ACER3: variants seen among roughly 807,000 people sequenced by gnomAD.
The protein encoded by ACER3 is alkCDase 3.
Under a neutral mutation model 48.9 loss-of-function variants are expected in ACER3, and 16 were observed. The ratio of observed to expected loss-of-function variants is 0.33; its 90% CI spans 0.22 to 0.50. The LOEUF (loss-of-function observed/expected upper bound fraction) is 0.50, where lower values mean the gene tolerates loss of function less well. Ranked by LOEUF, ACER3 falls within the 20% of genes least tolerant of loss-of-function variation. The pLI, the probability that ACER3 is intolerant of heterozygous loss-of-function variation, is 0.98. For synonymous variants in ACER3, 109 were observed against 107.8 expected, an observed-to-expected ratio of 1.01 and a Z score of -0.07; for missense variants, 227 against 326.0, an observed-to-expected ratio of 0.70 and a Z score of 2.34.
chr11:76,971,966 C>T (rs919056055), intron 3 of ACER3, among the ~76,000 whole-genome samples: 2 of 152,166 alleles, frequency 1.3e-5, no homozygotes, highest in Non-Finnish European at 2.9e-5. Context: ...GACTTTATTT[C>T]CTCTACAGAT....
At position 77,024,889 on chromosome 11, in the gene ACER3, T is replaced by C. The variant is rs1949528471; in HGVS notation, c.*4562T>C. 2 of 152,182 alleles carry C rather than the reference T, an allele frequency of 1.3e-5. No individual in the cohort carries two copies. Among genetic ancestry groups the C allele is most frequent in the African/African-American group, 4.8e-5 (2 of 41,442 alleles). The allele number at this position is 152,182 out of a possible 1,614,324, so 9.4% of individuals were successfully genotyped here. A position where few individuals can be genotyped will look rare whatever the true frequency, so the allele number is the denominator to read the frequency against. The stretch of plus-strand genomic sequence containing the variant: ...AACCCTAAAATGCAAATCAAGAAAT[T>C]CAGTTACAGGCTGCAAGTGACCTAA... On this transcript the variant is annotated 3_prime_UTR_variant, in exon 11 of 11. Coordinates refer to ENST00000532485, the MANE Select transcript of ACER3 (RefSeq NM_018367.7).
chr11:76,975,874 C>CTTTTTTTTTTT (rs34786738), intron 3 of ACER3, among the ~76,000 whole-genome samples: 1 of 82,770 alleles, frequency 1.2e-5, no homozygotes, highest in Non-Finnish European at 2.4e-5. Flanking sequence ...TTTTTCTTTT[C>CTTTTTTTTTTT]TTTTTTTTTT....
Position 77,023,123 on chromosome 11 carries a change from C to CT in ACER3, c.*2801dup, listed in dbSNP as rs1390157705. ...AAACATCCCCACCACCTGAAGTGATCTTTTTAATCCTTGTGATAGTAAATG... is the reference window on the plus strand; with the variant it reads ...AAACATCCCCACCACCTGAAGTGATCTTTTTTAATCCTTGTGATAGTAAATG... On this transcript the variant is annotated 3_prime_UTR_variant, in exon 11 of 11. Coordinates refer to ENST00000532485, the MANE Select transcript of ACER3 (RefSeq NM_018367.7). The CT allele has an allele frequency of 5.0e-6, 2 of 398,448 alleles. No homozygotes were observed. The highest frequency in any genetic ancestry group is 8.8e-6 in the Non-Finnish European group (2 of 226,052). 24.7% of individuals were successfully genotyped at this position (398,448 alleles called of 1,614,324 possible).
intron 3 of ACER3, among the ~76,000 whole-genome samples, chr11:76,970,727 T>A (rs1948276074): frequency 6.6e-6 from 1 of 152,110 alleles, no homozygotes; most frequent in Non-Finnish European, 1.5e-5. Flanking sequence ...CTTTTTTTTT[T>A]ACCCTATCAT....
intron 1 of ACER3, among the ~76,000 whole-genome samples, chr11:76,916,588 C>G (rs1184658115): frequency 6.6e-6 from 1 of 152,092 alleles, no homozygotes; most frequent in East Asian, 1.9e-4. Context: ...CAAAAATTCA[C>G]CAAATGTAGG....
chr11:77,019,450 C>T (rs1002752081), intron 9 of ACER3: 2 of 289,754 alleles, frequency 6.9e-6, no homozygotes, highest in Non-Finnish European at 1.3e-5. Flanking sequence ...CAGAGCAAGA[C>T]TCCATCTCAA....
rs1247571713 is a variant in ACER3, at chr11:76,885,977, G to A, written c.103+24898G>A. On this transcript the variant is annotated intron_variant, in intron 1 of 10. Coordinates refer to ENST00000532485, the MANE Select transcript of ACER3 (RefSeq NM_018367.7). ...GAAAGCAGATAAGAAAGCCGTTGTC[G>A]TGAGCATGCATTCTAATGAGAGAAG... Among the ~76,000 whole-genome samples, 10 of 152,194 alleles carry A rather than the reference G, an allele frequency of 6.6e-5. No individual in the cohort carries two copies. In the East Asian group the frequency reaches 1.5e-3, roughly 23 times the overall value.
At chr11:77,005,985 A>ATTT (rs1288542794) in intron 7 of ACER3, among the ~76,000 whole-genome samples, 9 of 39,286 alleles carry the variant, frequency 2.3e-4, no homozygotes, top group African/African-American at 4.9e-4. Flanking sequence ...ATATATATAT[A>ATTT]TATATATTTT....
At chr11:77,001,266 C>A (rs1457043234) in intron 7 of ACER3, among the ~76,000 whole-genome samples, 1 of 151,592 alleles carries the variant, frequency 6.6e-6, no homozygotes, top group Admixed American at 6.6e-5. Context: ...TTGTTTTTTG[C>A]TTTTTTTGAG....
At chr11:76,951,398 C>T (rs1383069459) in intron 2 of ACER3, among the ~76,000 whole-genome samples, 1 of 152,168 alleles carries the variant, frequency 6.6e-6, no homozygotes, top group Non-Finnish European at 1.5e-5. Context: ...TTTTAAGAGG[C>T]TCACAATAGC....
At chr11:76,928,078 CA>C (rs1190531514) in intron 2 of ACER3, among the ~76,000 whole-genome samples, 5 of 152,116 alleles carry the variant, frequency 3.3e-5, no homozygotes, top group Non-Finnish European at 7.4e-5. Flanking sequence ...GTCCCACCGA[CA>C]GTATAAAAGT....
intron 2 of ACER3, among the ~76,000 whole-genome samples, chr11:76,937,887 A>G (rs1360684478): frequency 1.3e-5 from 2 of 152,220 alleles, no homozygotes; most frequent in Non-Finnish European, 2.9e-5. Flanking sequence ...TCAATCTGAA[A>G]ACAAAAGAAA....
intron 5 of ACER3, among the ~76,000 whole-genome samples, chr11:76,990,237 C>T (rs1201680260): frequency 6.6e-6 from 1 of 152,208 alleles, no homozygotes; most frequent in Non-Finnish European, 1.5e-5. Flanking sequence ...AACCTCTTCA[C>T]TCCTCATGAG....
intron 2 of ACER3, among the ~76,000 whole-genome samples, chr11:76,932,317 T>C (rs956870305): frequency 6.6e-6 from 1 of 152,204 alleles, no homozygotes; most frequent in Non-Finnish European, 1.5e-5. Flanking sequence ...TATTTCCACA[T>C]TGACAGAAAG....
At chr11:77,009,374 C>A (rs537416849) in intron 7 of ACER3, among the ~76,000 whole-genome samples, 1 of 152,288 alleles carries the variant, frequency 6.6e-6, no homozygotes, top group African/African-American at 2.4e-5. Flanking sequence ...CAGAACCAAG[C>A]CATGAGAGTG....
chr11:76,864,789 G>A (rs34683571), intron 1 of ACER3, among the ~76,000 whole-genome samples: 9,252 of 150,944 alleles, frequency 0.061, 317 homozygotes, highest in Middle Eastern at 0.12. Flanking sequence ...TAGTGGAGAC[G>A]GGGTTTCACC....
At chr11:76,958,183 C>CTTT (rs10555039) in intron 2 of ACER3, among the ~76,000 whole-genome samples, 8 of 125,896 alleles carry the variant, frequency 6.4e-5, no homozygotes, top group East Asian at 2.3e-4. Flanking sequence ...TTATTAGCAA[C>CTTT]TTTTTTTTTT....
chr11:76,977,498 C>T (rs1007537358), intron 4 of ACER3, among the ~76,000 whole-genome samples: 5 of 152,184 alleles, frequency 3.3e-5, no homozygotes, highest in Admixed American at 1.3e-4. Context: ...CCTCCTTCAC[C>T]CATTACCCTG....
chr11:77,023,197 G>A lies in ACER3; in HGVS notation c.*2870G>A, dbSNP rs2135350863. On this transcript the variant is annotated 3_prime_UTR_variant, in exon 11 of 11. Coordinates refer to ENST00000532485, the MANE Select transcript of ACER3 (RefSeq NM_018367.7). ...ATGTTTTTAAATAATCTACAAATGA[G>A]AACCCAAATAGTAGTGTTTTGTTTG... The A allele has an allele frequency of 2.5e-6, 1 of 398,452 alleles. No individual in the cohort carries two copies. Among genetic ancestry groups the A allele is most frequent in the East Asian group, 3.6e-5 (1 of 28,048 alleles). The allele number at this position is 398,452 out of a possible 1,614,324, so 24.7% of individuals were successfully genotyped here. A position where few individuals can be genotyped will look rare whatever the true frequency, so the allele number is the denominator to read the frequency against.
Sources: gnomAD v4.1 joint callset for allele counts (sites outside exome capture counted in the v4.1 genomes callset) on GRCh38, gnomAD v4.1.1 for gene constraint, MANE v1.5 for transcripts, NCBI Gene and HGNC (gene_info 2026-07-23, HGNC 2026-07-21) for gene names.